The following NID2 variants were observed in gnomAD, a reference collection of about 807,000 sequenced individuals.
NID2 encodes nidogen-2.
A neutral mutation model predicts 145.4 loss-of-function variants in NID2; 83 were observed. The ratio of observed to expected loss-of-function variants is 0.57; its 90% confidence interval spans 0.48 to 0.69. NID2 has a LOEUF of 0.69. NID2 is among the 30% of genes least tolerant of loss of function. NID2 has a pLI of 0.00. For synonymous variants in NID2, 739 were observed against 701.3 expected, an observed-to-expected ratio of 1.05 and a Z score of -0.85; for missense variants, 1,807 against 1,765.7, an observed-to-expected ratio of 1.02 and a Z score of -0.42.
chr14:52,039,909 T>C (rs911423743), intron 8 of NID2, among the ~76,000 whole-genome samples: 1 of 152,244 alleles, frequency 6.6e-6, no homozygotes, highest in Non-Finnish European at 1.5e-5. Flanking sequence ...AAATCTAGCA[T>C]TAGTTTTATA....
At chr14:52,015,737 G>C (rs1891194354) in intron 14 of NID2, among the ~76,000 whole-genome samples, 1 of 152,166 alleles carries the variant, frequency 6.6e-6, no homozygotes, top group Non-Finnish European at 1.5e-5. Flanking sequence ...TTCCCCACTT[G>C]CTTCAAGCTT....
In NID2 at chr14:52,040,813, G is replaced by C. The variant is rs778736009; in HGVS notation, c.1864C>G (p.Pro622Ala). The part of the protein sequence containing the change: ...FTHDMEVTFY[P>A]GEETVRITQT... ...GTGATACGAACCGTCTCCTCTCCCG[G>C]GTAGAATGTAACTTCCATGTCATGG... Residue 622 changes from proline (P) to alanine (A), a missense_variant, in exon 8 of 22, where the codon CCG (proline) becomes GCG (alanine). Physicochemically the swap from Pro to Ala is conservative, Grantham distance 27. Coordinates refer to ENST00000216286, the MANE Select transcript of NID2 (RefSeq NM_007361.4). 3 of 1,614,034 alleles carry C rather than the reference G, an allele frequency of 1.9e-6. No individual in the cohort carries two copies.
At chr14:52,019,426 C>T in intron 13 of NID2, 132 bp from the exon 14 acceptor site, 1 of 647,992 alleles carries the variant, frequency 1.5e-6, no homozygotes, top group Non-Finnish European at 2.6e-6. Context: ...TTTTATAATA[C>T]CTTGCCACTA....
chr14:52,039,195 A>G (rs1892186841), intron 8 of NID2, among the ~76,000 whole-genome samples: 1 of 152,210 alleles, frequency 6.6e-6, no homozygotes, highest in Non-Finnish European at 1.5e-5. Context: ...TGTCCATGTT[A>G]TTATACACAA....
intron 12 of NID2, among the ~76,000 whole-genome samples, chr14:52,020,639 G>A (rs1230911387): frequency 6.6e-6 from 1 of 152,092 alleles, no homozygotes; most frequent in Non-Finnish European, 1.5e-5. Context: ...AGATGCAAAG[G>A]AGCCAGATGA....
At chr14:52,011,757 C>T in intron 16 of NID2, 74 bp from the exon 17 acceptor site, 1 of 1,559,510 alleles carries the variant, frequency 6.4e-7, no homozygotes, top group South Asian at 1.1e-5. Flanking sequence ...CTGCCTTGCT[C>T]ATGCACAGCT....
intron 15 of NID2, among the ~76,000 whole-genome samples, 197 bp downstream of exon 15, chr14:52,014,857 C>G (rs1891160682): frequency 1.3e-5 from 2 of 152,104 alleles, no homozygotes; most frequent in South Asian, 4.1e-4. Flanking sequence ...ATTATGGAAG[C>G]TGCTAATGAC....
At chr14:52,038,514 C>T (rs1237545882) in intron 9 of NID2, among the ~76,000 whole-genome samples, 5 of 152,084 alleles carry the variant, frequency 3.3e-5, no homozygotes, top group Non-Finnish European at 7.4e-5. Flanking sequence ...TGCTATAAAC[C>T]AGCTTCACAT....
At chr14:52,062,112 AT>A (rs1225882626) in intron 2 of NID2, among the ~76,000 whole-genome samples, 1 of 152,198 alleles carries the variant, frequency 6.6e-6, no homozygotes, top group Non-Finnish European at 1.5e-5. Flanking sequence ...CTCTTTTCTA[AT>A]GTTAATTTTT....
At chr14:52,035,878 A>ATATATATATATATATATATATATATT (rs58318209) in intron 9 of NID2, among the ~76,000 whole-genome samples, 4 of 135,188 alleles carry the variant, frequency 3.0e-5, no homozygotes, top group South Asian at 2.3e-4. Context: ...ATATATATAT[A>ATATATATATATATATATATATATATT]TGTTTTATTT....
intron 1 of NID2, 42 bp downstream of exon 1, chr14:52,068,725 G>A (rs1893314140): frequency 1.3e-6 from 2 of 1,543,830 alleles, no homozygotes; most frequent in Non-Finnish European, 1.8e-6. Flanking sequence ...CGACCCCAGG[G>A]AAGAAGCTGC....
rs1765453926 is a variant in NID2 at position 52,053,906 on chromosome 14, C to T, written c.1102G>A (p.Gly368Arg). 1 of 1,613,932 alleles carries T rather than the reference C, an allele frequency of 6.2e-7. No individual in the cohort carries two copies. The highest frequency in any genetic ancestry group is 1.3e-5 in the African/African-American group (1 of 74,996). The change falls in exon 5 of 22, where the codon GGA (glycine) becomes AGA (arginine). Residue 368 changes from glycine (G) to arginine (R), a missense_variant. By Grantham distance (125) the Gly-to-Arg change is moderately radical. Transcript: ENST00000216286. ...CCCCCTACCTCTCCCAGAGATGTTC[C>T]TTCTTTGGTGTGAGGATCCAAGGTG... ...SSTLDPHTKE[G>R]TSLGEVGGPD... is the part of the protein sequence containing the mutation.
chr14:52,049,424 C>T (rs545336511), intron 5 of NID2, among the ~76,000 whole-genome samples: 251 of 143,676 alleles, frequency 1.7e-3, no homozygotes, highest in African/African-American at 6.2e-3. Context: ...CCGGCCTGCC[C>T]TTCTTCACAG....
In NID2 at chr14:52,005,223, A is replaced by C. The variant is rs887386267; in HGVS notation, c.*263T>G. 1 of 355,848 alleles carries C rather than the reference A, an allele frequency of 2.8e-6. No individual in the cohort carries two copies. Among genetic ancestry groups the C allele is most frequent in the Non-Finnish European group, 5.0e-6 (1 of 198,606 alleles). The allele number at this position is 355,848 out of a possible 1,614,324, so 22.0% of individuals were successfully genotyped here. On this transcript the variant is annotated 3_prime_UTR_variant, in exon 22 of 22. Coordinates refer to ENST00000216286, the MANE Select transcript of NID2 (RefSeq NM_007361.4). ...TAAATATTAATGATAAATGTTTACAAGAAGTTGCTTTAATAAGCAACAGTT... is the reference window on the plus strand; with the variant it reads ...TAAATATTAATGATAAATGTTTACACGAAGTTGCTTTAATAAGCAACAGTT...
In NID2 at chr14:52,068,040, C is replaced by G. The variant is rs61734508; in HGVS notation, c.352G>C (p.Gly118Arg). 34,116 of 1,613,722 alleles carry G rather than the reference C, an allele frequency of 0.021. 440 individuals carry two copies. The highest frequency in any genetic ancestry group is 0.025 in the Non-Finnish European group (28,937 of 1,179,838). The change falls in exon 2 of 22, where the codon GGC becomes CGC. Residue 118 changes from glycine to arginine, a missense_variant. Physicochemically the swap from Gly to Arg is moderately radical, Grantham distance 125. Transcript: ENST00000216286. Reference sequence around the variant, plus strand: ...TCTCGGTACAGGACTCGGCCTCTGCCGTGGCTCGTGTCGATGTCCGCCAGA... The same window carrying G: ...TCTCGGTACAGGACTCGGCCTCTGCGGTGGCTCGTGTCGATGTCCGCCAGA... ...PFLADIDTSHGRGRVLYREDT... is the reference protein window; with the variant it reads ...PFLADIDTSHRRGRVLYREDT...
chr14:52,035,734 G>A (rs1017045118), intron 9 of NID2, among the ~76,000 whole-genome samples: 2 of 151,556 alleles, frequency 1.3e-5, no homozygotes, highest in Admixed American at 6.6e-5. Flanking sequence ...GCTGGAATGC[G>A]ATGGCACAAT....
intron 2 of NID2, among the ~76,000 whole-genome samples, chr14:52,065,766 G>A (rs1277426949): frequency 8.4e-6 from 1 of 118,530 alleles, no homozygotes; most frequent in Non-Finnish European, 1.6e-5. Context: ...TTGGTTTTTT[G>A]TTCTTGCGAT....
At chr14:52,026,350 G>A (rs2749870) in intron 12 of NID2, among the ~76,000 whole-genome samples, 70,042 of 151,972 alleles carry the variant, frequency 0.46, 16,938 homozygotes, top group South Asian at 0.56. Context: ...CAGGAGCAGG[G>A]GAAAGTCTGC....
rs748251923 is a variant in NID2 at position 52,015,294 on chromosome 14, G to C, written c.3029-19C>G. 2 of 1,590,140 alleles carry C rather than the reference G, an allele frequency of 1.3e-6. No individual in the cohort carries two copies. Among genetic ancestry groups the C allele is most frequent in the South Asian group, 2.2e-5 (2 of 90,112 alleles). ...GTGGGCTCTGAGCAGATGGGGAAGAGGGAAGAAGAAAAACCTTTGATTGTG... is the reference window on the plus strand; with the variant it reads ...GTGGGCTCTGAGCAGATGGGGAAGACGGAAGAAGAAAAACCTTTGATTGTG... On this transcript the variant is annotated intron_variant, in intron 14 of 21. Coordinates refer to ENST00000216286, the MANE Select transcript of NID2 (RefSeq NM_007361.4).
Sources: gnomAD v4.1 joint callset for allele counts (sites outside exome capture counted in the v4.1 genomes callset) on GRCh38, gnomAD v4.1.1 for gene constraint, MANE v1.5 for transcripts, NCBI Gene and HGNC (gene_info 2026-07-23, HGNC 2026-07-21) for gene names.